SPAG16: variants seen among roughly 807,000 people sequenced by gnomAD.
SPAG16 encodes sperm-associated antigen 16 protein.
In SPAG16, 86 loss-of-function variants were observed where a neutral mutation model predicts 80.4. The observed-to-expected ratio is 1.07, with a 90% CI of 0.90 to 1.28. The LOEUF is 1.28. Among genes scored for constraint, SPAG16 ranks in the 50% most tolerant of loss-of-function variants. SPAG16 has a pLI of 0.00. For synonymous variants in SPAG16, 294 were observed against 265.9 expected, an observed-to-expected ratio of 1.11 and a Z score of -1.03; for missense variants, 870 against 765.3, an observed-to-expected ratio of 1.14 and a Z score of -1.61.
chr2:214,396,868 A>G (rs1044112474), intron 15 of SPAG16, among the ~76,000 whole-genome samples: 1 of 152,138 alleles, frequency 6.6e-6, no homozygotes, highest in Non-Finnish European at 1.5e-5. Flanking sequence ...TGCCACTGAA[A>G]CATAAAATGT....
At chr2:213,989,670 C>T (rs2046184977) in intron 12 of SPAG16, among the ~76,000 whole-genome samples, 1 of 152,216 alleles carries the variant, frequency 6.6e-6, no homozygotes, top group South Asian at 2.1e-4. Flanking sequence ...CAAAATTCTA[C>T]TTCCTTAATA....
At chr2:213,329,439 T>C (rs1262944409) in intron 5 of SPAG16, among the ~76,000 whole-genome samples, 1 of 152,222 alleles carries the variant, frequency 6.6e-6, no homozygotes, top group Non-Finnish European at 1.5e-5. Context: ...TGTTATGTTT[T>C]AGCAAAGAGA....
At position 213,860,361 on chromosome 2, in the gene SPAG16, ATATG is replaced by A. The variant is rs66523241; in HGVS notation, c.1071-2122_1071-2119del. ...TTTACAGATATATATATATATATAT[ATATG>A]TGTGTGTGTGTATATCTATAAATAG... On this transcript the variant is annotated intron_variant, in intron 10 of 15. Transcript: ENST00000331683. 4.8e-3 allele frequency among the ~76,000 whole-genome samples: 293 copies of A among 61,486 alleles called. 5 individuals are homozygous for A. The highest frequency in any genetic ancestry group is 0.01 in the African/African-American group (241 of 23,424). The allele number at this position is 61,486 out of a possible 152,430, so 40.3% of individuals were successfully genotyped here. A position where few individuals can be genotyped will look rare whatever the true frequency, so the allele number is the denominator to read the frequency against.
At chr2:213,833,441 GTATA>G (rs1334499570) in intron 10 of SPAG16, among the ~76,000 whole-genome samples, 1 of 3,956 alleles carries the variant, frequency 2.5e-4, no homozygotes, top group East Asian at 0.011. Flanking sequence ...ATGTGTGTGT[GTATA>G]TATATATATT....
chr2:213,584,344 G>T (rs1490419233), intron 10 of SPAG16, among the ~76,000 whole-genome samples: 1 of 152,220 alleles, frequency 6.6e-6, no homozygotes, highest in East Asian at 1.9e-4. Flanking sequence ...CCTTACAACT[G>T]CAGTGGAAAT....
chr2:213,460,477 C>A (rs1282501403), intron 9 of SPAG16, among the ~76,000 whole-genome samples: 1 of 152,126 alleles, frequency 6.6e-6, no homozygotes, highest in African/African-American at 2.4e-5. Context: ...TACTTCTTTT[C>A]ATGTGCTTGC....
chr2:213,737,027 C>G (rs2067313403), intron 10 of SPAG16, among the ~76,000 whole-genome samples: 2 of 152,178 alleles, frequency 1.3e-5, no homozygotes, highest in South Asian at 2.1e-4. Flanking sequence ...ATCTTTTCAA[C>G]TAACTCATGT....
At chr2:214,330,699 A>T (rs1041656325) in intron 15 of SPAG16, among the ~76,000 whole-genome samples, 6 of 152,190 alleles carry the variant, frequency 3.9e-5, no homozygotes, top group Non-Finnish European at 7.3e-5. Context: ...TAGGAAAGGG[A>T]CAAACTCTTG....
chr2:214,310,710 T>C (rs979516132), intron 15 of SPAG16, among the ~76,000 whole-genome samples: 12 of 152,172 alleles, frequency 7.9e-5, no homozygotes, highest in Admixed American at 2.0e-4. Flanking sequence ...CATGCCCCTA[T>C]CTCAGGGTTC....
intron 15 of SPAG16, among the ~76,000 whole-genome samples, chr2:214,307,653 C>T (rs945953438): frequency 2.6e-5 from 4 of 152,044 alleles, no homozygotes; most frequent in African/African-American, 9.7e-5. Flanking sequence ...ATTATTTACC[C>T]AAAAGTCATT....
chr2:213,800,529 G>C (rs370888053), intron 10 of SPAG16, among the ~76,000 whole-genome samples: 1 of 151,964 alleles, frequency 6.6e-6, no homozygotes, highest in South Asian at 2.1e-4. Flanking sequence ...CACCATGCTC[G>C]TTTGTTTTGA....
intron 14 of SPAG16, among the ~76,000 whole-genome samples, chr2:214,116,236 A>C (rs765685895): frequency 1.4e-4 from 21 of 152,218 alleles, no homozygotes; most frequent in Non-Finnish European, 2.8e-4. Flanking sequence ...AGTGGTCTTC[A>C]CACTGAAACT....
chr2:214,102,979 C>G (rs1233325299), intron 13 of SPAG16, among the ~76,000 whole-genome samples: 1 of 152,062 alleles, frequency 6.6e-6, no homozygotes, highest in Non-Finnish European at 1.5e-5. Flanking sequence ...TGATTCTTCG[C>G]GTAGGGTGGG....
chr2:213,506,476 A>C (rs2074974271), intron 10 of SPAG16, among the ~76,000 whole-genome samples: 1 of 152,160 alleles, frequency 6.6e-6, no homozygotes, highest in Admixed American at 6.5e-5. Context: ...TTAAAGTAAA[A>C]AGAATTTCTG....
intron 11 of SPAG16, among the ~76,000 whole-genome samples, chr2:213,919,052 G>A (rs2078094354): frequency 1.3e-5 from 2 of 151,898 alleles, no homozygotes; most frequent in South Asian, 4.2e-4. Flanking sequence ...TATCATTCTA[G>A]CTAGCAGTCT....
chr2:214,284,471 C>T (rs889100998), intron 15 of SPAG16, among the ~76,000 whole-genome samples: 5 of 152,134 alleles, frequency 3.3e-5, no homozygotes, highest in Non-Finnish European at 5.9e-5. Flanking sequence ...ATAATATACA[C>T]CCTACTGGTG....
intron 10 of SPAG16, among the ~76,000 whole-genome samples, chr2:213,800,528 C>T (rs2071330901): frequency 6.6e-6 from 1 of 151,960 alleles, no homozygotes; most frequent in Admixed American, 6.6e-5. Flanking sequence ...CCACCATGCT[C>T]GTTTGTTTTG....
rs143330004 is a variant in SPAG16 at position 214,152,662 on chromosome 2, C to T, written c.1720+3396C>T. Among the ~76,000 whole-genome samples the T allele has an allele frequency of 4.4e-3, 666 of 152,160 alleles. 2 individuals are homozygous for T. The highest frequency in any genetic ancestry group is 0.015 in the African/African-American group (633 of 41,536). ...CCCAGGGACCACTACCACCAATGCG[C>T]GGAGACCAGTAGTGGCCCCGAATGT... On this transcript the variant is annotated intron_variant, in intron 15 of 15. Coordinates refer to ENST00000331683, the MANE Select transcript of SPAG16 (RefSeq NM_024532.5).
At chr2:213,681,050 A>C (rs910857321) in intron 10 of SPAG16, among the ~76,000 whole-genome samples, 1 of 152,178 alleles carries the variant, frequency 6.6e-6, no homozygotes, top group African/African-American at 2.4e-5. Flanking sequence ...TCAGAGAGAG[A>C]GAGCAGGTTA....
Sources: gnomAD v4.1 joint callset for allele counts (sites outside exome capture counted in the v4.1 genomes callset) on GRCh38, gnomAD v4.1.1 for gene constraint, MANE v1.5 for transcripts, NCBI Gene and HGNC (gene_info 2026-07-23, HGNC 2026-07-21) for gene names.